The following NXPE3 variants were observed in gnomAD, a reference collection of about 807,000 sequenced individuals.
NXPE3 encodes the protein neurexophilin and PC-esterase domain family member 3.
A neutral mutation model predicts 46.1 loss-of-function variants in NXPE3; 26 were observed. That is an observed-to-expected ratio of 0.56 (90% CI 0.41 to 0.78). The LOEUF (loss-of-function observed/expected upper bound fraction) is 0.78, where lower values mean the gene tolerates loss of function less well. NXPE3 is among the 30% of genes least tolerant of loss of function. The pLI, the probability that NXPE3 is intolerant of heterozygous loss-of-function variation, is 0.00. For synonymous variants in NXPE3, 272 were observed against 257.9 expected (o/e 1.05, Z -0.52); for missense variants, 620 against 686.0 (o/e 0.90, Z 1.07).
chr3:101,814,959 G>A (rs1026507932), intron 6 of NXPE3, among the ~76,000 whole-genome samples: 1 of 152,198 alleles, frequency 6.6e-6, no homozygotes, highest in African/African-American at 2.4e-5. Context: ...TAGCTGTTCT[G>A]AAAGGTAGGG....
intron 5 of NXPE3, among the ~76,000 whole-genome samples, chr3:101,803,339 T>C (rs1391835951): frequency 6.6e-6 from 1 of 152,162 alleles, no homozygotes; most frequent in Non-Finnish European, 1.5e-5. Flanking sequence ...ATGTAGTGGG[T>C]TCATGCCATA....
Position 101,804,414 on chromosome 3 carries a change from C to T in NXPE3, c.848+2425C>T, listed in dbSNP as rs13319469. ...ATGGTACATTGTTGTAGAATAATTG[C>T]GGAATTTTATTTACCTGGAAGTTTG... On this transcript the variant is annotated intron_variant, in intron 5 of 7. Coordinates refer to ENST00000273347, the MANE Select transcript of NXPE3 (RefSeq NM_145037.4). Among the ~76,000 whole-genome samples the T allele has an allele frequency of 1.7e-3, 254 of 152,236 alleles. 3 individuals carry two copies. The highest frequency in any genetic ancestry group is 5.8e-3 in the African/African-American group (241 of 41,530).
At chr3:101,798,765 A>G (rs1488215726) in intron 4 of NXPE3, among the ~76,000 whole-genome samples, 1 of 151,648 alleles carries the variant, frequency 6.6e-6, no homozygotes, top group Non-Finnish European at 1.5e-5. Flanking sequence ...GGTGTGTACC[A>G]CCACACCCAG....
At chr3:101,808,608 T>C (rs1488902035) in intron 6 of NXPE3, among the ~76,000 whole-genome samples, 1 of 151,924 alleles carries the variant, frequency 6.6e-6, no homozygotes, top group African/African-American at 2.4e-5. Flanking sequence ...TTAACTGTGA[T>C]ATCTCCATAT....
At chr3:101,802,175 A>G (rs961866255) in intron 5 of NXPE3, among the ~76,000 whole-genome samples, 186 bp downstream of exon 5, 17 of 152,258 alleles carry the variant, frequency 1.1e-4, no homozygotes, top group African/African-American at 3.9e-4. Flanking sequence ...TTTAAAAATG[A>G]AGCTTAATGC....
At chr3:101,780,589 G>A (rs1576716516) in intron 1 of NXPE3, among the ~76,000 whole-genome samples, 1 of 152,206 alleles carries the variant, frequency 6.6e-6, no homozygotes, top group East Asian at 1.9e-4. Flanking sequence ...TACTTCTTGG[G>A]CCTATTCCTA....
rs1940197267 is a variant in NXPE3 at position 101,786,655 on chromosome 3, T to C, written c.93+966T>C. ...TCTTCTTCTTTTTCTTTGCTTAAAC[T>C]GTTCTTGTGTGTTTTACTATATAAG... is the stretch of plus-strand genomic sequence containing the variant. On this transcript the variant is annotated intron_variant, in intron 4 of 7. Transcript: ENST00000273347. Among the ~76,000 whole-genome samples, 4 of 152,374 alleles carry C rather than the reference T, an allele frequency of 2.6e-5. 1 individual carries two copies. Among genetic ancestry groups the C allele is most frequent in the Admixed American group, 2.6e-4 (4 of 15,308 alleles).
chr3:101,810,068 A>G (rs1301465711), intron 6 of NXPE3, among the ~76,000 whole-genome samples: 1 of 152,250 alleles, frequency 6.6e-6, no homozygotes, highest in African/African-American at 2.4e-5. Flanking sequence ...TGGCAGTGCT[A>G]CTGCTACTTG....
At chr3:101,785,832 T>C in intron 4 of NXPE3, 143 bp downstream of exon 4, 4 of 674,990 alleles carry the variant, frequency 5.9e-6, no homozygotes, top group Non-Finnish European at 8.0e-6. Context: ...ATTTGCGTGC[T>C]CACAATGGTT....
intron 2 of NXPE3, 39 bp downstream of exon 2, chr3:101,782,329 T>G (rs1939871285): frequency 6.6e-6 from 1 of 152,186 alleles, no homozygotes; most frequent in African/African-American, 2.4e-5. Context: ...TTTTTTTGGT[T>G]AATCTGAGGA....
Position 101,827,784 on chromosome 3 carries a change from A to G in NXPE3, c.*5830A>G, listed in dbSNP as rs369798395. On this transcript the variant is annotated 3_prime_UTR_variant, in exon 8 of 8. Transcript: ENST00000273347. ...TTTGGTCTGGGAATTTCCAGTGTGC[A>G]GAAAAAAAATCCACAAATCTAGGCC... is the stretch of plus-strand genomic sequence containing the variant. Among the ~76,000 whole-genome samples the G allele has an allele frequency of 6.6e-6, 1 of 152,146 alleles. No individual in the cohort carries two copies. Among genetic ancestry groups the G allele is most frequent in the East Asian group, 1.9e-4 (1 of 5,192 alleles).
At chr3:101,799,373 TC>T (rs1941014256) in intron 4 of NXPE3, among the ~76,000 whole-genome samples, 1 of 152,178 alleles carries the variant, frequency 6.6e-6, no homozygotes, top group African/African-American at 2.4e-5. Flanking sequence ...GCATAATATA[TC>T]TTAACTTCCT....
chr3:101,797,784 A>G (rs1384265076), intron 4 of NXPE3, among the ~76,000 whole-genome samples: 2 of 35,516 alleles, frequency 5.6e-5, no homozygotes, highest in Non-Finnish European at 1.1e-4. Flanking sequence ...ATAGTATTCC[A>G]TGGTGTATAT....
At chr3:101,789,292 C>A (rs1198917894) in intron 4 of NXPE3, among the ~76,000 whole-genome samples, 1 of 152,072 alleles carries the variant, frequency 6.6e-6, no homozygotes, top group Non-Finnish European at 1.5e-5. Context: ...GCCTGTAATC[C>A]CAGCACTTTG....
chr3:101,799,508 C>T (rs1165944122), intron 4 of NXPE3, among the ~76,000 whole-genome samples: 3 of 152,038 alleles, frequency 2.0e-5, no homozygotes, highest in African/African-American at 7.2e-5. Flanking sequence ...CTCACTGCAA[C>T]CTCTGCCTCC....
chr3:101,820,859 C>T (rs537556069), intron 7 of NXPE3, among the ~76,000 whole-genome samples: 1 of 152,232 alleles, frequency 6.6e-6, no homozygotes, highest in African/African-American at 2.4e-5. Context: ...ACAGTAGACA[C>T]TGGGGTCTAC....
At chr3:101,781,151 A>G (rs1407232348) in intron 1 of NXPE3, among the ~76,000 whole-genome samples, 1 of 152,186 alleles carries the variant, frequency 6.6e-6, no homozygotes, top group Non-Finnish European at 1.5e-5. Context: ...GTTCTGAACT[A>G]TATATTCTGA....
intron 3 of NXPE3, among the ~76,000 whole-genome samples, chr3:101,785,087 CTG>C: frequency 1.3e-5 from 2 of 152,302 alleles, no homozygotes; most frequent in Admixed American, 1.3e-4. Context: ...ACTGAGGTCT[CTG>C]TAGAAATTTA....
At chr3:101,808,887 C>G (rs1941579277) in intron 6 of NXPE3, among the ~76,000 whole-genome samples, 1 of 111,464 alleles carries the variant, frequency 9.0e-6, no homozygotes, top group Non-Finnish European at 1.8e-5. Context: ...GTTTGGGCCT[C>G]AACCCTGAGG....
Sources: allele counts gnomAD v4.1 joint callset (sites outside exome capture counted in the v4.1 genomes callset), GRCh38; gene constraint gnomAD v4.1.1; transcripts MANE v1.5; gene names NCBI Gene and HGNC (gene_info 2026-07-23, HGNC 2026-07-21).